The following MTMR12 variants were observed in gnomAD, a reference collection of about 807,000 sequenced individuals.
MTMR12 encodes the protein myotubularin related protein 12.
Under a neutral mutation model 96.7 loss-of-function variants are expected in MTMR12, and 33 were observed. That is an observed-to-expected ratio of 0.34 (90% CI 0.26 to 0.46). MTMR12 has a LOEUF of 0.46. Among genes scored for constraint, MTMR12 ranks in the 20% least tolerant of loss-of-function variants. MTMR12 has a pLI of 1.00. For synonymous variants in MTMR12, 298 were observed against 327.2 expected, an observed-to-expected ratio of 0.91 and a Z score of 0.96; for missense variants, 721 against 896.1, an observed-to-expected ratio of 0.80 and a Z score of 2.49.
At chr5:32,282,809 C>T (rs1403158023) in intron 1 of MTMR12, among the ~76,000 whole-genome samples, 1 of 152,228 alleles carries the variant, frequency 6.6e-6, no homozygotes, top group Non-Finnish European at 1.5e-5. Context: ...TATTCACTGG[C>T]AATGTCTGTA....
chr5:32,243,533 A>G lies in MTMR12; in HGVS notation c.1088T>C (p.Leu363Pro). 1.2e-6 allele frequency: 2 copies of G among 1,611,124 alleles called. No individual in the cohort carries two copies. Among genetic ancestry groups the G allele is most frequent in the Non-Finnish European group, 1.7e-6 (2 of 1,177,512 alleles). ...WFSLLESSSW[L>P]DIIRRCLKKA... ...TGGTTTGAAATACCTGATTATGTCAAGCCAGCTGCTACTTTCCAACAGAGA... is the reference window on the plus strand; with the variant it reads ...TGGTTTGAAATACCTGATTATGTCAGGCCAGCTGCTACTTTCCAACAGAGA... The change falls in exon 11 of 16, where the codon CTT (leucine) becomes CCT (proline). Residue 363 changes from leucine (L) to proline (P), a missense_variant. Transcript: ENST00000382142.
intron 1 of MTMR12, among the ~76,000 whole-genome samples, chr5:32,292,847 T>A (rs1318706212): frequency 6.6e-6 from 1 of 152,244 alleles, no homozygotes; most frequent in African/African-American, 2.4e-5. Flanking sequence ...CAATACCAGC[T>A]ACGACCACGT....
At position 32,228,461 on chromosome 5, in the gene MTMR12, C is replaced by T. The variant is rs934474198; in HGVS notation, c.*1317G>A. On this transcript the variant is annotated 3_prime_UTR_variant, in exon 16 of 16. Coordinates refer to ENST00000382142, the MANE Select transcript of MTMR12 (RefSeq NM_001040446.3). ...TCTTTTATGCGATTTGACAGGGTTC[C>T]ACTGAGAACAAAAAAATCTGCTCCT... The T allele has an allele frequency of 9.6e-5, 14 of 146,294 alleles. No individual in the cohort carries two copies. In the Admixed American group the frequency reaches 9.6e-4, roughly 10 times the overall value. 9.1% of individuals were successfully genotyped at this position (146,294 alleles called of 1,614,324 possible). A position where few individuals can be genotyped will look rare whatever the true frequency, so the allele number is the denominator to read the frequency against.
intron 10 of MTMR12, among the ~76,000 whole-genome samples, chr5:32,245,908 CA>C (rs111479000): frequency 1.3e-5 from 2 of 152,060 alleles, no homozygotes; most frequent in Non-Finnish European, 2.9e-5. Flanking sequence ...TGGAGCATCA[CA>C]AAAAACTGTT....
At chr5:32,259,537 C>G (rs115724186) in intron 7 of MTMR12, among the ~76,000 whole-genome samples, 352 of 152,312 alleles carry the variant, frequency 2.3e-3, no homozygotes, top group African/African-American at 8.3e-3. Flanking sequence ...AGCCAGCCAC[C>G]GTGTTACACT....
At position 32,269,978 on chromosome 5, in the gene MTMR12, T is replaced by C. The variant is rs566104933; in HGVS notation, c.489+839A>G. ...TTGCTCAGAATAGATATCAGTTATG[T>C]TTATTATTCTAACTGAACTACCACA... On this transcript the variant is annotated intron_variant, in intron 5 of 15. Transcript: ENST00000382142. 3.9e-5 allele frequency among the ~76,000 whole-genome samples: 6 copies of C among 152,350 alleles called. No individual in the cohort carries two copies. The East Asian group carries it at 9.6e-4, about 24-fold the overall frequency.
chr5:32,266,932 T>C (rs994626424), intron 6 of MTMR12, among the ~76,000 whole-genome samples: 4 of 146,290 alleles, frequency 2.7e-5, no homozygotes, highest in Admixed American at 6.8e-5. Flanking sequence ...ACAAAAAAAT[T>C]AGCTGGGCAT....
At chr5:32,264,779 C>G (rs1331096923) in intron 6 of MTMR12, among the ~76,000 whole-genome samples, 1 of 152,012 alleles carries the variant, frequency 6.6e-6, no homozygotes, top group Non-Finnish European at 1.5e-5. Context: ...TTTATTAACT[C>G]AATCCTCACA....
intron 8 of MTMR12, among the ~76,000 whole-genome samples, chr5:32,252,622 C>CATAAGCT (rs1265371790): frequency 1.3e-5 from 2 of 152,198 alleles, no homozygotes; most frequent in African/African-American, 4.8e-5. Context: ...CTTGTGTCTA[C>CATAAGCT]ATAAGCTATA....
intron 12 of MTMR12, among the ~76,000 whole-genome samples, chr5:32,240,957 C>G (rs549187714): frequency 6.6e-6 from 1 of 152,252 alleles, no homozygotes; most frequent in East Asian, 1.9e-4. Flanking sequence ...GTTAATGATA[C>G]TCCTGTGGGT....
intron 12 of MTMR12, among the ~76,000 whole-genome samples, chr5:32,241,359 C>A (rs1388233170): frequency 2.0e-5 from 3 of 152,206 alleles, no homozygotes; most frequent in African/African-American, 7.2e-5. Flanking sequence ...CAGAAAGATA[C>A]ATTTTCCAGG....
At chr5:32,279,076 CAAAAAAAAAAAAAAAAAAAAA>C (rs35999870) in intron 1 of MTMR12, among the ~76,000 whole-genome samples, 14 of 50,532 alleles carry the variant, frequency 2.8e-4, no homozygotes, top group South Asian at 1.5e-3. Context: ...AACTCTGTCT[CAAAAAAAAAAAAAAAAAAAAA>C]AAAAAAAAAA....
At chr5:32,230,384 C>T (rs1203788799) in intron 15 of MTMR12, 37 bp from the exon 16 acceptor site, 1 of 1,535,826 alleles carries the variant, frequency 6.5e-7, no homozygotes, top group African/African-American at 1.4e-5. Context: ...CACTGGTTAA[C>T]ATAACAGGCA....
chr5:32,234,047 A>T, intron 14 of MTMR12, 113 bp from the exon 15 acceptor site: 1 of 1,273,698 alleles, frequency 7.9e-7, no homozygotes, highest in Non-Finnish European at 1.1e-6. Context: ...CTGAGAATGA[A>T]TAATCATGGG....
intron 4 of MTMR12, among the ~76,000 whole-genome samples, chr5:32,271,417 CG>C (rs1749827834): frequency 6.6e-6 from 1 of 152,110 alleles, no homozygotes; most frequent in Non-Finnish European, 1.5e-5. Flanking sequence ...GAAGATGCCC[CG>C]AATACAAAAA....
rs548654471 is a variant in MTMR12, at chr5:32,231,381, C to CAAAAAAAAAA, written c.1675-1044_1675-1035dup. On this transcript the variant is annotated intron_variant, in intron 15 of 15. Coordinates refer to ENST00000382142, the MANE Select transcript of MTMR12 (RefSeq NM_001040446.3). ...GCAATGACAGCAAAACTCTGGCTCG[C>CAAAAAAAAAA]AAAAAAAAAAAAAAAAAAAGGGTTG... 4.3e-3 allele frequency among the ~76,000 whole-genome samples: 203 copies of CAAAAAAAAAA among 47,098 alleles called. 4 individuals are homozygous for CAAAAAAAAAA. Among genetic ancestry groups the CAAAAAAAAAA allele is most frequent in the African/African-American group, 0.014 (185 of 13,632 alleles). 30.9% of individuals were successfully genotyped at this position (47,098 alleles called of 152,430 possible). A position where few individuals can be genotyped will look rare whatever the true frequency, so the allele number is the denominator to read the frequency against.
intron 1 of MTMR12, among the ~76,000 whole-genome samples, chr5:32,296,166 A>G (rs558843236): frequency 6.6e-6 from 1 of 152,090 alleles, no homozygotes; most frequent in Non-Finnish European, 1.5e-5. Flanking sequence ...CTCAAAAAAA[A>G]AAACAAACAC....
chr5:32,271,892 T>C lies in MTMR12; in HGVS notation c.299A>G (p.Lys100Arg), dbSNP rs764542199. The C allele has an allele frequency of 6.4e-7, 1 of 1,558,586 alleles. No homozygotes were observed. Among genetic ancestry groups the C allele is most frequent in the East Asian group, 2.3e-5 (1 of 43,924 alleles). The change falls in exon 4 of 16, where the codon AAG (lysine) becomes AGG (arginine). Residue 100 changes from lysine (K) to arginine (R), a missense_variant. By Grantham distance (26) the Lys-to-Arg change is conservative (BLOSUM62 2). Transcript: ENST00000382142. ...GTCATTTTCTCCTATAACCTTATTCTTAAATTGAGTTTCCTAGAAGATTCA... is the reference window on the plus strand; with the variant it reads ...GTCATTTTCTCCTATAACCTTATTCCTAAATTGAGTTTCCTAGAAGATTCA... ...SALDNDETQF[K>R]NKVIGENDIT... is the part of the protein sequence containing the mutation.
At chr5:32,282,183 T>A (rs1308690791) in intron 1 of MTMR12, among the ~76,000 whole-genome samples, 1 of 151,886 alleles carries the variant, frequency 6.6e-6, no homozygotes, top group South Asian at 2.1e-4. Context: ...GAGATCGAGA[T>A]CATCCTGGCT....
Sources: gnomAD v4.1 joint callset for allele counts (sites outside exome capture counted in the v4.1 genomes callset) on GRCh38, gnomAD v4.1.1 for gene constraint, MANE v1.5 for transcripts, NCBI Gene and HGNC (gene_info 2026-07-23, HGNC 2026-07-21) for gene names.